Variants in ASAH2 observed in about 807,000 individuals in gnomAD.
ASAH2 encodes N-acylsphingosine amidohydrolase 2.
A neutral mutation model predicts 82.9 loss-of-function variants in ASAH2; 58 were observed. The ratio of observed to expected loss-of-function variants is 0.70; its 90% CI spans 0.57 to 0.87. ASAH2 has a LOEUF of 0.87. ASAH2 is among the 40% of genes least tolerant of loss of function. The probability of loss-of-function intolerance (pLI) is 0.00; values close to 1 mark genes in which losing one functional copy is unlikely to be tolerated. For missense variants in ASAH2, 779 were observed against 834.0 expected (o/e 0.93, Z 0.81); for synonymous variants, 276 against 289.7 (o/e 0.95, Z 0.48).
intron 4 of ASAH2, among the ~76,000 whole-genome samples, chr10:50,236,887 T>C (rs1846174526): frequency 6.6e-6 from 1 of 152,118 alleles, no homozygotes; most frequent in African/African-American, 2.4e-5. Context: ...AGCAAAAGAA[T>C]ATATGAGGTT....
chr10:50,219,120 A>G (rs1845681565), intron 7 of ASAH2, among the ~76,000 whole-genome samples: 1 of 152,228 alleles, frequency 6.6e-6, no homozygotes, highest in African/African-American at 2.4e-5. Flanking sequence ...AGAAACAGGC[A>G]TAAAGTGTTC....
At position 50,214,842 on chromosome 10, in the gene ASAH2, T is replaced by C; in HGVS notation, c.1041A>G (p.Ser347=). 1.4e-5 allele frequency: 22 copies of C among 1,613,718 alleles called. No individual in the cohort carries two copies. Among genetic ancestry groups the C allele is most frequent in the Non-Finnish European group, 1.9e-5 (22 of 1,179,664 alleles). Residue 347 remains serine, a synonymous_variant, in exon 9 of 21, where the codon TCA becomes TCG. Transcript: ENST00000682911. ...TGGGGGACACATCTCCTAGGTTTGA[T>C]GAAGCAAAGGCTGCTACAAATGGCC... ...GQGPFVAAFA[S]SNLGDVSPNI...
At position 50,208,819 on chromosome 10, in the gene ASAH2, T is replaced by C. The variant is rs1281280640; in HGVS notation, c.1414+2004A>G. On this transcript the variant is annotated intron_variant, in intron 12 of 20. Coordinates refer to ENST00000682911, the MANE Select transcript of ASAH2 (RefSeq NM_019893.4). ...AAAAATTTACAAGCTGATTCTAAAA[T>C]TCCTGTGGAATCTCAAGAAATTCAG... 2.6e-5 allele frequency among the ~76,000 whole-genome samples: 4 copies of C among 152,230 alleles called. 1 individual carries two copies. The highest frequency in any genetic ancestry group is 1.9e-4 in the East Asian group (1 of 5,176).
At chr10:50,209,979 G>C (rs1386079953) in intron 12 of ASAH2, among the ~76,000 whole-genome samples, 1 of 152,082 alleles carries the variant, frequency 6.6e-6, no homozygotes, top group Admixed American at 6.6e-5. Context: ...TAGTCTGGCA[G>C]CTTCTCAGAT....
At chr10:50,250,682 A>G (rs1030630941) in intron 1 of ASAH2, among the ~76,000 whole-genome samples, 1 of 152,186 alleles carries the variant, frequency 6.6e-6, no homozygotes, top group Non-Finnish European at 1.5e-5. Context: ...TCCCAACCCC[A>G]GAGCATGGAC....
chr10:50,209,654 T>A (rs1207485577), intron 12 of ASAH2, among the ~76,000 whole-genome samples: 12 of 152,072 alleles, frequency 7.9e-5, no homozygotes, highest in Non-Finnish European at 1.8e-4. Context: ...TAAGGGAACG[T>A]ATACAGAATA....
At chr10:50,197,877 T>C (rs1307122785) in intron 17 of ASAH2, among the ~76,000 whole-genome samples, 1 of 151,916 alleles carries the variant, frequency 6.6e-6, no homozygotes, top group Non-Finnish European at 1.5e-5. Flanking sequence ...TATAGTTTTA[T>C]GCTTTTCTGT....
At chr10:50,242,152 C>T (rs539691191) in intron 4 of ASAH2, among the ~76,000 whole-genome samples, 55 of 152,308 alleles carry the variant, frequency 3.6e-4, no homozygotes, top group African/African-American at 1.2e-3. Flanking sequence ...CTCTAAGACT[C>T]AGTTTTCTTA....
At chr10:50,240,747 C>G (rs1335767873) in intron 4 of ASAH2, among the ~76,000 whole-genome samples, 1 of 152,200 alleles carries the variant, frequency 6.6e-6, no homozygotes, top group Admixed American at 6.5e-5. Flanking sequence ...CTCTGCCTTC[C>G]CATCCTAACC....
chr10:50,236,383 T>C (rs1846159589), intron 4 of ASAH2, among the ~76,000 whole-genome samples: 2 of 152,100 alleles, frequency 1.3e-5, no homozygotes, highest in South Asian at 4.2e-4. Context: ...TATAAAACCA[T>C]CAGATCTTGT....
chr10:50,213,850 C>T (rs1056848804), intron 9 of ASAH2, among the ~76,000 whole-genome samples: 4 of 151,944 alleles, frequency 2.6e-5, no homozygotes, highest in Admixed American at 6.6e-5. Flanking sequence ...GGTTTAACCC[C>T]ATTGGGTGGA....
chr10:50,224,468 A>G (rs1170314196), intron 7 of ASAH2, among the ~76,000 whole-genome samples: 2 of 152,198 alleles, frequency 1.3e-5, no homozygotes, highest in Non-Finnish European at 2.9e-5. Flanking sequence ...ACACATGTAT[A>G]TTCAACCCAC....
intron 7 of ASAH2, among the ~76,000 whole-genome samples, chr10:50,229,135 GT>G (rs1845965445): frequency 6.6e-6 from 1 of 151,928 alleles, no homozygotes; most frequent in Non-Finnish European, 1.5e-5. Flanking sequence ...CTCCCTTCAT[GT>G]TTTCTTCACA....
chr10:50,223,969 C>A (rs1388408036), intron 7 of ASAH2, among the ~76,000 whole-genome samples: 1 of 152,150 alleles, frequency 6.6e-6, no homozygotes, highest in African/African-American at 2.4e-5. Flanking sequence ...CTGCTAATGC[C>A]TTGAATTTGG....
In ASAH2 at chr10:50,239,079, G is replaced by A. The variant is rs918930621; in HGVS notation, c.511-3015C>T. Reference sequence around the variant, plus strand: ...CTGTCTTCAGTTTCTATTCCATTTCGTCTCACTGACACTCTTGGGAGCATG... The same window carrying A: ...CTGTCTTCAGTTTCTATTCCATTTCATCTCACTGACACTCTTGGGAGCATG... On this transcript the variant is annotated intron_variant, in intron 4 of 20. Transcript: ENST00000682911. Among the ~76,000 whole-genome samples the A allele has an allele frequency of 9.5e-4, 144 of 152,060 alleles. 2 individuals carry two copies. In the East Asian group the frequency reaches 0.018, roughly 19 times the overall value.
At chr10:50,241,074 T>C (rs1241082379) in intron 4 of ASAH2, among the ~76,000 whole-genome samples, 1 of 152,182 alleles carries the variant, frequency 6.6e-6, no homozygotes, top group Non-Finnish European at 1.5e-5. Context: ...GTCGTAAGGA[T>C]AGGAAGAGTG....
intron 12 of ASAH2, among the ~76,000 whole-genome samples, chr10:50,208,065 T>C (rs1845350678): frequency 1.3e-5 from 2 of 151,952 alleles, no homozygotes; most frequent in Admixed American, 1.3e-4. Flanking sequence ...AATTACATGA[T>C]AATCTGAGCA....
chr10:50,200,866 C>T (rs1845130081), intron 16 of ASAH2, among the ~76,000 whole-genome samples: 1 of 152,088 alleles, frequency 6.6e-6, no homozygotes, highest in African/African-American at 2.4e-5. Flanking sequence ...AAGGCCCCAC[C>T]CTTAAGCCTG....
chr10:50,218,775 A>G (rs928417127), intron 7 of ASAH2, 145 bp from the exon 8 acceptor site: 5 of 920,244 alleles, frequency 5.4e-6, no homozygotes, highest in Middle Eastern at 2.7e-4. Flanking sequence ...TTCATTGTTC[A>G]TGGGCTTAAA....
Sources: allele counts gnomAD v4.1 joint callset (sites outside exome capture counted in the v4.1 genomes callset), GRCh38; gene constraint gnomAD v4.1.1; transcripts MANE v1.5; gene names NCBI Gene and HGNC (gene_info 2026-07-23, HGNC 2026-07-21).